The following EZH1 variants were observed in gnomAD, a reference collection of about 807,000 sequenced individuals.
EZH1 encodes the protein enhancer of zeste 1 polycomb repressive complex 2 subunit, also known as histone-lysine N-methyltransferase EZH1.
In EZH1, 33 loss-of-function variants were observed where a neutral mutation model predicts 100.5. The ratio of observed to expected loss-of-function variants is 0.33; its 90% CI spans 0.25 to 0.44. EZH1 has a LOEUF of 0.44. Ranked by LOEUF, EZH1 falls within the 20% of genes least tolerant of loss-of-function variation. The pLI is 1.00. For synonymous variants in EZH1, 272 were observed against 313.8 expected (o/e 0.87, Z 1.41); for missense variants, 475 against 928.4 (o/e 0.51, Z 6.35).
At chr17:42,740,425 G>T (rs1231712247) in intron 1 of EZH1, among the ~76,000 whole-genome samples, 1 of 152,112 alleles carries the variant, frequency 6.6e-6, no homozygotes, top group Non-Finnish European at 1.5e-5. Flanking sequence ...TTTCAGTAGA[G>T]ACAGGTTTCA....
chr17:42,704,031 T>G (rs1467935626), intron 18 of EZH1, among the ~76,000 whole-genome samples: 1 of 152,208 alleles, frequency 6.6e-6, no homozygotes, highest in Non-Finnish European at 1.5e-5. Context: ...CTTTGAATTA[T>G]GGATCTTCTC....
At chr17:42,738,885 C>A (rs1411204834) in intron 1 of EZH1, among the ~76,000 whole-genome samples, 1 of 151,706 alleles carries the variant, frequency 6.6e-6, no homozygotes, top group East Asian at 1.9e-4. Flanking sequence ...TCCACCCCCC[C>A]TGAGTAGCTG....
rs2053527331 is a variant in EZH1, at chr17:42,713,349, G to C, written c.1064C>G (p.Ser355Cys). ...TCTCCGGCGACGACCAGAGCACTTG[G>C]AGCGGGGGTTGTGGAGCATGGCATA... Reference protein sequence around the residue: ...KEYAMLHNPRSKCSGRRRRRH... With the variant: ...KEYAMLHNPRCKCSGRRRRRH... Residue 355 changes from serine to cysteine, a missense_variant, in exon 11 of 21, where the codon TCC becomes TGC. By Grantham distance (112) the Ser-to-Cys change is moderately radical (BLOSUM62 -1). Coordinates refer to ENST00000428826, the MANE Select transcript of EZH1 (RefSeq NM_001991.5). 1 of 1,611,088 alleles carries C rather than the reference G, an allele frequency of 6.2e-7. No homozygotes were observed. The highest frequency in any genetic ancestry group is 1.3e-5 in the African/African-American group (1 of 74,864).
chr17:42,744,870 T>A (rs1288431347), intron 1 of EZH1, 141 bp downstream of exon 1: 2 of 900,478 alleles, frequency 2.2e-6, no homozygotes, highest in Non-Finnish European at 2.9e-6. Flanking sequence ...GGGCGCCTGC[T>A]ACCCCCGGCC....
intron 4 of EZH1, among the ~76,000 whole-genome samples, chr17:42,724,974 C>T (rs1324572033): frequency 6.6e-6 from 1 of 151,972 alleles, no homozygotes; most frequent in African/African-American, 2.4e-5. Flanking sequence ...CAAGACTATC[C>T]TGGCCAACAT....
chr17:42,703,262 C>T (rs916646351), intron 19 of EZH1: 2 of 342,546 alleles, frequency 5.8e-6, no homozygotes, highest in African/African-American at 4.3e-5. Flanking sequence ...GCAACCTCTG[C>T]CTCCAGGGTT....
chr17:42,722,667 G>T, intron 6 of EZH1, 128 bp downstream of exon 6: 29 of 735,296 alleles, frequency 3.9e-5, no homozygotes, highest in Non-Finnish European at 5.8e-5. Flanking sequence ...GCCATGTGAT[G>T]ACATTGAAAT....
intron 1 of EZH1, among the ~76,000 whole-genome samples, chr17:42,742,728 T>C (rs2054199193): frequency 6.6e-6 from 1 of 152,214 alleles, no homozygotes; most frequent in Non-Finnish European, 1.5e-5. Flanking sequence ...GAATAAAACA[T>C]ATATCCCTGC....
intron 11 of EZH1, 73 bp from the exon 12 acceptor site, chr17:42,712,558 A>T: frequency 7.3e-7 from 1 of 1,370,492 alleles, no homozygotes; most frequent in Non-Finnish European, 1.0e-6. Flanking sequence ...TCACAAACTC[A>T]GAAGTACTTC....
chr17:42,735,736 C>T (rs923561410), intron 1 of EZH1, among the ~76,000 whole-genome samples: 9 of 152,044 alleles, frequency 5.9e-5, no homozygotes, highest in Non-Finnish European at 1.2e-4. Context: ...GCCTGTAATC[C>T]CAGCACTTTG....
chr17:42,709,240 C>T, intron 13 of EZH1: 1 of 291,618 alleles, frequency 3.4e-6, no homozygotes, highest in Non-Finnish European at 6.5e-6. Flanking sequence ...CTCCCTTTGT[C>T]TTTGTGGAGG....
rs1244989367 is a variant in EZH1 at position 42,701,238 on chromosome 17, G to C, written c.*1294C>G. The C allele has an allele frequency of 6.5e-6, 1 of 152,760 alleles. No homozygotes were observed. The highest frequency in any genetic ancestry group is 2.4e-5 in the African/African-American group (1 of 41,440). The allele number at this position is 152,760 out of a possible 1,614,324, so 9.5% of individuals were successfully genotyped here. A position where few individuals can be genotyped will look rare whatever the true frequency, so the allele number is the denominator to read the frequency against. On this transcript the variant is annotated 3_prime_UTR_variant, in exon 21 of 21. Coordinates refer to ENST00000428826, the MANE Select transcript of EZH1 (RefSeq NM_001991.5). ...CCCCTCCCTCAGGAGTGGGATTTAGGCAGGGACCCTAGAGACCTTAGGCCA... is the reference window on the plus strand; with the variant it reads ...CCCCTCCCTCAGGAGTGGGATTTAGCCAGGGACCCTAGAGACCTTAGGCCA...
chr17:42,735,910 AG>A (rs1036241970), intron 1 of EZH1, among the ~76,000 whole-genome samples: 9 of 152,268 alleles, frequency 5.9e-5, no homozygotes, highest in African/African-American at 2.2e-4. Flanking sequence ...GCTTAAACCC[AG>A]GAGGCAGAGG....
At chr17:42,732,710 A>T (rs1013481231) in intron 1 of EZH1, among the ~76,000 whole-genome samples, 1 of 152,198 alleles carries the variant, frequency 6.6e-6, no homozygotes, top group East Asian at 1.9e-4. Flanking sequence ...CGGAGCCTGC[A>T]GTGAGCCGAG....
At chr17:42,707,625 C>A (rs187783201) in intron 15 of EZH1, among the ~76,000 whole-genome samples, 1 of 152,082 alleles carries the variant, frequency 6.6e-6, no homozygotes, top group African/African-American at 2.4e-5. Flanking sequence ...GAACTCCTGA[C>A]CTCAAGTGAT....
At position 42,706,063 on chromosome 17, in the gene EZH1, A is replaced by G; in HGVS notation, c.1783T>C (p.Trp595Arg). The G allele has an allele frequency of 6.2e-7, 1 of 1,614,066 alleles. No individual in the cohort carries two copies. Among genetic ancestry groups the G allele is most frequent in the Non-Finnish European group, 8.5e-7 (1 of 1,179,976 alleles). ...TTACAGGAAACCACCTTGCAGTCCCAGTGCTCTGAGGCCCCACAGGTGAGA... is the reference window on the plus strand; with the variant it reads ...TTACAGGAAACCACCTTGCAGTCCCGGTGCTCTGAGGCCCCACAGGTGAGA... ...LCLTCGASEH[W>R]DCKVVSCKNC... is the part of the protein sequence containing the mutation. The change falls in exon 16 of 21, where the codon TGG becomes CGG. Residue 595 changes from tryptophan to arginine, a missense_variant. By Grantham distance (101) the Trp-to-Arg change is moderately radical. Coordinates refer to ENST00000428826, the MANE Select transcript of EZH1 (RefSeq NM_001991.5). The surrounding 1 kb of genome is among the most constrained non-coding windows in gnomAD (Gnocchi z 4.4).
At chr17:42,731,042 T>A (rs1023083390) in intron 1 of EZH1, 124 bp from the exon 2 acceptor site, 10 of 210,728 alleles carry the variant, frequency 4.7e-5, no homozygotes, top group African/African-American at 2.1e-4. Flanking sequence ...TATTTTTGTA[T>A]GTCTAAGACA....
At chr17:42,729,963 G>A (rs1457639476) in intron 2 of EZH1, among the ~76,000 whole-genome samples, 8 of 151,780 alleles carry the variant, frequency 5.3e-5, no homozygotes, top group African/African-American at 7.3e-5. Flanking sequence ...GCTTGAAACC[G>A]GGAGGTGGAA....
intron 13 of EZH1, 134 bp downstream of exon 13, chr17:42,709,712 G>A: frequency 1.3e-6 from 1 of 744,298 alleles, no homozygotes; most frequent in Non-Finnish European, 2.2e-6. Context: ...TCTCAGTCAT[G>A]TGATGCCAAG....
Sources: gnomAD v4.1 joint callset for allele counts (sites outside exome capture counted in the v4.1 genomes callset) on GRCh38, gnomAD v4.1.1 for gene constraint, Gnocchi (gnomAD v3.1) non-coding constraint, MANE v1.5 for transcripts, NCBI Gene and HGNC (gene_info 2026-07-23, HGNC 2026-07-21) for gene names.